Variants in BOLL observed in about 807,000 individuals in gnomAD.
BOLL encodes boule RNA binding protein, also known as protein boule-like.
BOLL carries 23 observed loss-of-function variants against 44.4 expected under a neutral mutation model. The observed-to-expected ratio is 0.52, with a 90% CI of 0.37 to 0.73. The LOEUF (loss-of-function observed/expected upper bound fraction) is 0.73. Among genes scored for constraint, BOLL ranks in the 30% least tolerant of loss-of-function variants. The pLI is 0.00. For missense variants in BOLL, 287 were observed against 338.3 expected (o/e 0.85, Z 1.19); for synonymous variants, 97 against 110.8 (o/e 0.88, Z 0.78).
chr2:197,772,206 A>G (rs1689298975), intron 5 of BOLL, among the ~76,000 whole-genome samples: 1 of 152,116 alleles, frequency 6.6e-6, no homozygotes, highest in South Asian at 2.1e-4. Context: ...TGATTAAAAG[A>G]AAAGAAAAAC....
intron 5 of BOLL, among the ~76,000 whole-genome samples, chr2:197,773,563 A>C (rs1203328242): frequency 1.3e-5 from 2 of 151,956 alleles, no homozygotes; most frequent in Non-Finnish European, 2.9e-5. Flanking sequence ...ATTTCTCTCT[A>C]TATACATATA....
chr2:197,766,598 A>G lies in BOLL; in HGVS notation c.486T>C (p.Arg162=). The G allele has an allele frequency of 6.2e-7, 1 of 1,611,706 alleles. No homozygotes were observed. Among genetic ancestry groups the G allele is most frequent in the Non-Finnish European group, 8.5e-7 (1 of 1,178,430 alleles). Residue 162 remains arginine, a synonymous_variant, in exon 7 of 11, where the codon CGT becomes CGC. Transcript: ENST00000392296. ...CCATCACAGGGGAGCTACATACAGA[A>G]CGTGACTATAAAAGGATGGAAAAAG... The part of the protein sequence containing the change: ...VTSVPPPWPS[R]SVCSSPVMVA...
intron 10 of BOLL, 53 bp from the exon 11 acceptor site, chr2:197,728,631 A>G: frequency 3.1e-6 from 4 of 1,309,550 alleles, no homozygotes; most frequent in South Asian, 2.4e-5. Flanking sequence ...AAAAAAAAAG[A>G]TAAGTTAGAA....
intron 9 of BOLL, among the ~76,000 whole-genome samples, chr2:197,750,462 C>A (rs1408024435): frequency 6.6e-6 from 1 of 151,988 alleles, no homozygotes. Context: ...ATTTACCAAG[C>A]AAATGGAAAG....
intron 7 of BOLL, among the ~76,000 whole-genome samples, chr2:197,761,247 A>G (rs1019825399): frequency 1.3e-5 from 2 of 152,190 alleles, no homozygotes; most frequent in Admixed American, 1.3e-4. Flanking sequence ...CGAGTTTGAC[A>G]CTGCAGTGAG....
At chr2:197,752,871 G>A (rs896750043) in intron 9 of BOLL, among the ~76,000 whole-genome samples, 1 of 152,152 alleles carries the variant, frequency 6.6e-6, no homozygotes, top group Non-Finnish European at 1.5e-5. Flanking sequence ...AAAGAACAAA[G>A]CTGGAGGCAT....
intron 9 of BOLL, among the ~76,000 whole-genome samples, chr2:197,754,850 A>G (rs982536910): frequency 6.6e-6 from 1 of 152,226 alleles, no homozygotes; most frequent in African/African-American, 2.4e-5. Context: ...CAAAGACTTC[A>G]TGATGAAAAC....
At chr2:197,731,860 C>T in intron 10 of BOLL, among the ~76,000 whole-genome samples, 1 of 150,558 alleles carries the variant, frequency 6.6e-6, no homozygotes. Flanking sequence ...CAAGAGAAAG[C>T]AGGAAAGATA....
intron 4 of BOLL, 41 bp from the exon 5 acceptor site, chr2:197,775,781 C>A: frequency 8.3e-7 from 1 of 1,200,692 alleles, no homozygotes; most frequent in Non-Finnish European, 1.2e-6. Context: ...TATTTTAGCA[C>A]TATTATTTAT....
intron 9 of BOLL, among the ~76,000 whole-genome samples, chr2:197,753,157 G>A (rs59722738): frequency 0.018 from 2,740 of 152,238 alleles, 74 homozygotes; most frequent in African/African-American, 0.06. Context: ...ATTAACTCAC[G>A]ATGGATTAAT....
rs145135047 is a variant in BOLL at position 197,754,836 on chromosome 2, C to T, written c.729+1592G>A. Among the ~76,000 whole-genome samples the T allele has an allele frequency of 4.1e-4, 63 of 152,038 alleles. No homozygotes were observed. In the East Asian group the frequency reaches 6.6e-3, roughly 16 times the overall value. On this transcript the variant is annotated intron_variant, in intron 9 of 10. Transcript: ENST00000392296. ...ATACTATTCATTCAGGACACAGGCA[C>T]GGGCAAAGACTTCATGATGAAAACA...
chr2:197,759,319 C>G (rs1195684438), intron 7 of BOLL, among the ~76,000 whole-genome samples: 1 of 152,062 alleles, frequency 6.6e-6, no homozygotes, highest in African/African-American at 2.4e-5. Flanking sequence ...GCAGAAGATC[C>G]CCACCAGCCT....
chr2:197,742,867 T>C (rs1687818434), intron 10 of BOLL, among the ~76,000 whole-genome samples, 194 bp downstream of exon 10: 1 of 152,018 alleles, frequency 6.6e-6, no homozygotes, highest in South Asian at 2.1e-4. Context: ...AAGTTGCATA[T>C]ATTACCACAA....
chr2:197,731,154 G>A (rs1279248359), intron 10 of BOLL, among the ~76,000 whole-genome samples: 1 of 151,968 alleles, frequency 6.6e-6, no homozygotes, highest in African/African-American at 2.4e-5. Context: ...AAAAGGCAGG[G>A]GTTGCAATCC....
chr2:197,729,693 C>A (rs9677061), intron 10 of BOLL, among the ~76,000 whole-genome samples: 1 of 152,088 alleles, frequency 6.6e-6, no homozygotes, highest in South Asian at 2.1e-4. Flanking sequence ...GCACCCCCCA[C>A]CAGGGGCACA....
chr2:197,748,367 G>A (rs1466396003), intron 9 of BOLL, among the ~76,000 whole-genome samples: 1 of 152,162 alleles, frequency 6.6e-6, no homozygotes, highest in Non-Finnish European at 1.5e-5. Context: ...GTGGCACCTG[G>A]AACTCCAGAG....
At chr2:197,785,380 G>A, upstream of BOLL, 1 of 986,194 alleles carries the variant, frequency 1.0e-6, no homozygotes, top group Non-Finnish European at 1.2e-6. The surrounding 1 kb of genome is among the most constrained non-coding windows in gnomAD (Gnocchi z 6.7). Context: ...GGGCGGGGCG[G>A]GATGGCACGT....
rs1458100182 is a variant in BOLL at position 197,757,461 on chromosome 2, A to G, written c.553-61T>C. On this transcript the variant is annotated intron_variant, in intron 7 of 10. Transcript: ENST00000392296. ...GATTATAAACAAGGGTTAAAACTAGATATCTACAGGCAAAAATATGAAGTT... is the reference window on the plus strand; with the variant it reads ...GATTATAAACAAGGGTTAAAACTAGGTATCTACAGGCAAAAATATGAAGTT... 4 of 1,450,074 alleles carry G rather than the reference A, an allele frequency of 2.8e-6. No individual in the cohort carries two copies. In the African/African-American group the frequency reaches 4.3e-5, roughly 15 times the overall value. The allele number at this position is 1,450,074 out of a possible 1,614,324, so 89.8% of individuals were successfully genotyped here. A position where few individuals can be genotyped will look rare whatever the true frequency, so the allele number is the denominator to read the frequency against.
intron 9 of BOLL, 62 bp from the exon 10 acceptor site, chr2:197,743,221 A>G (rs1687839377): frequency 1.6e-6 from 2 of 1,229,928 alleles, no homozygotes; most frequent in Non-Finnish European, 2.3e-6. Context: ...ATATTTACTC[A>G]GCATTTACAA....
Sources: allele counts gnomAD v4.1 joint callset (sites outside exome capture counted in the v4.1 genomes callset), GRCh38; gene constraint gnomAD v4.1.1; non-coding constraint Gnocchi (gnomAD v3.1); transcripts MANE v1.5; gene names NCBI Gene and HGNC (gene_info 2026-07-23, HGNC 2026-07-21).